Variants in FRYL observed in about 807,000 individuals in gnomAD.
FRYL encodes the protein protein furry homolog-like.
In FRYL, 150 loss-of-function variants were observed where a neutral mutation model predicts 351.2. The observed-to-expected ratio is 0.43, with a 90% CI of 0.37 to 0.49. The LOEUF (loss-of-function observed/expected upper bound fraction) is 0.49, where lower values mean the gene tolerates loss of function less well. Ranked by LOEUF, FRYL falls within the 20% of genes least tolerant of loss-of-function variation. The pLI is 0.00. For missense variants in FRYL, 3,036 were observed against 3,619.3 expected (o/e 0.84, Z 4.13); for synonymous variants, 1,153 against 1,257.1 (o/e 0.92, Z 1.75).
At chr4:48,623,318 A>G in intron 4 of FRYL, 139 bp from the exon 5 acceptor site, 2 of 548,504 alleles carry the variant, frequency 3.6e-6, no homozygotes, top group Non-Finnish European at 6.2e-6. Flanking sequence ...TGTTTTAAAG[A>G]AAGATAAGCC....
At chr4:48,613,941 G>C (rs1044173005) in intron 7 of FRYL, among the ~76,000 whole-genome samples, 1 of 130,868 alleles carries the variant, frequency 7.6e-6, no homozygotes, top group Non-Finnish European at 1.6e-5. Context: ...GGGTGACAGA[G>C]AGTGACTCCA....
At chr4:48,507,541 G>GTTAGTTAGTTAGT (rs1341918312) in intron 59 of FRYL, among the ~76,000 whole-genome samples, 1 of 152,024 alleles carries the variant, frequency 6.6e-6, no homozygotes, top group Admixed American at 6.6e-5. Flanking sequence ...CAAACAGTTA[G>GTTAGTTAGTTAGT]TTAGTTAGAG....
chr4:48,566,579 T>A (rs1736841496), intron 28 of FRYL, among the ~76,000 whole-genome samples: 1 of 152,214 alleles, frequency 6.6e-6, no homozygotes, highest in Non-Finnish European at 1.5e-5. Flanking sequence ...AATTAAGTGC[T>A]TAATGACCCT....
At chr4:48,589,703 G>C (rs1405405255) in intron 18 of FRYL, 42 bp downstream of exon 18, 4 of 1,601,096 alleles carry the variant, frequency 2.5e-6, no homozygotes, top group Non-Finnish European at 3.4e-6. Flanking sequence ...ACTGTCTTAG[G>C]AAAACTGAAA....
At chr4:48,560,141 G>A (rs764446424) in intron 33 of FRYL, among the ~76,000 whole-genome samples, 1 of 152,094 alleles carries the variant, frequency 6.6e-6, no homozygotes, top group African/African-American at 2.4e-5. Context: ...GAATGGGAAG[G>A]GCCTCAGAGC....
At chr4:48,543,573 G>A (rs964657063) in intron 44 of FRYL, among the ~76,000 whole-genome samples, 2 of 152,142 alleles carry the variant, frequency 1.3e-5, no homozygotes, top group Middle Eastern at 6.3e-3. Context: ...GGTGTTGTGT[G>A]AGTGGGCGAG....
intron 1 of FRYL, among the ~76,000 whole-genome samples, chr4:48,741,406 G>T (rs1431160174): frequency 6.6e-6 from 1 of 152,156 alleles, no homozygotes; most frequent in Non-Finnish European, 1.5e-5. Flanking sequence ...CAGGCTTGGT[G>T]GTACACGCCT....
chr4:48,528,099 T>C, intron 51 of FRYL, 54 bp from the exon 52 acceptor site: 1 of 1,554,662 alleles, frequency 6.4e-7, no homozygotes. Flanking sequence ...ATAAGACAAA[T>C]TCTCAAGTTT....
intron 49 of FRYL, among the ~76,000 whole-genome samples, chr4:48,533,234 G>A (rs1474440623): frequency 2.6e-5 from 4 of 151,454 alleles, no homozygotes; most frequent in East Asian, 3.9e-4. Context: ...TGTGGTATAT[G>A]TTTCTATGTG....
Position 48,567,475 on chromosome 4 carries a change from T to C in FRYL, c.2997-55A>G, listed in dbSNP as rs535343349. ...AGTAAATGGGACTTTATGATTTAAA[T>C]AAAAAATTCTTAATACTCAAAATCA... On this transcript the variant is annotated intron_variant, in intron 27 of 63. Transcript: ENST00000358350. The surrounding 1 kb of genome is among the most constrained non-coding windows in gnomAD (Gnocchi z 4.2). 5.2e-6 allele frequency: 7 copies of C among 1,342,308 alleles called. No individual in the cohort carries two copies. The Admixed American group carries it at 1.3e-4, about 25-fold the overall frequency. The allele number at this position is 1,342,308 out of a possible 1,614,324, so 83.1% of individuals were successfully genotyped here.
At chr4:48,677,701 G>A (rs1400935998) in intron 3 of FRYL, among the ~76,000 whole-genome samples, 1 of 152,096 alleles carries the variant, frequency 6.6e-6, no homozygotes, top group Admixed American at 6.5e-5. Flanking sequence ...GTGAGCCACC[G>A]CGTCAGCCCG....
rs761295931 is a variant in FRYL at position 48,565,543 on chromosome 4, G to A, written c.3318C>T (p.Tyr1106=). 2.1e-5 allele frequency: 33 copies of A among 1,605,870 alleles called. No individual in the cohort carries two copies. The highest frequency in any genetic ancestry group is 2.7e-5 in the Non-Finnish European group (32 of 1,177,812). The change falls in exon 29 of 64, where the codon TAC becomes TAT. Residue 1106 remains tyrosine (Y), a synonymous_variant. Coordinates refer to ENST00000358350, the MANE Select transcript of FRYL (RefSeq NM_015030.2). ...TCTAAGTAAATACCTTTAACGCACAGTATTGATGTCTATTAATTTGCATAT... is the reference window on the plus strand; with the variant it reads ...TCTAAGTAAATACCTTTAACGCACAATATTGATGTCTATTAATTTGCATAT... The part of the protein sequence containing the change: ...DRNMQINRHQ[Y]CALKAMSAVL...
At chr4:48,630,955 G>A (rs76069088) in intron 4 of FRYL, among the ~76,000 whole-genome samples, 4,432 of 152,138 alleles carry the variant, frequency 0.029, 91 homozygotes, top group Middle Eastern at 0.065. Context: ...TTACCTAAAA[G>A]GGTACAGAAT....
At chr4:48,501,597 G>C (rs1719675797) in intron 62 of FRYL, 26 bp downstream of exon 62, 1 of 1,236,954 alleles carries the variant, frequency 8.1e-7, no homozygotes, top group Non-Finnish European at 1.2e-6. Context: ...ATCAGTTACT[G>C]ATGCCTAATA....
intron 2 of FRYL, among the ~76,000 whole-genome samples, chr4:48,706,477 G>A (rs1446940295): frequency 6.6e-6 from 1 of 152,168 alleles, no homozygotes; most frequent in Non-Finnish European, 1.5e-5. Context: ...GTGGTTGTCA[G>A]GGGCTGGGCA....
chr4:48,567,975 T>A lies in FRYL; in HGVS notation c.2997-555A>T, dbSNP rs763352884. 4.7e-4 allele frequency among the ~76,000 whole-genome samples: 71 copies of A among 152,190 alleles called. 1 individual carries two copies. The highest frequency in any genetic ancestry group is 6.6e-4 in the Non-Finnish European group (45 of 68,030). ...ACCTATGAAATTGCCTTTAAGAATA[T>A]CTGCAATGTGCTGGGCGCGGTGGCT... On this transcript the variant is annotated intron_variant, in intron 27 of 63. Transcript: ENST00000358350. The surrounding 1 kb of genome is among the most constrained non-coding windows in gnomAD (Gnocchi z 4.2).
intron 3 of FRYL, among the ~76,000 whole-genome samples, chr4:48,667,699 G>A (rs1047873790): frequency 2.0e-5 from 3 of 152,090 alleles, no homozygotes; most frequent in African/African-American, 7.2e-5. Context: ...CCAGACTGGA[G>A]TGCAGTGGTG....
rs1731301910 is a variant in FRYL at position 48,546,249 on chromosome 4, A to G, written c.5097T>C (p.Pro1699=). Reference sequence around the variant, plus strand: ...CAGTCATAGGGGAGGGCTGGTAATCAGGTATAAAATCGTTAATGCCTGCTG... The same window carrying G: ...CAGTCATAGGGGAGGGCTGGTAATCGGGTATAAAATCGTTAATGCCTGCTG... ...NFTAGINDFI[P]DYQPSPMTDS... The change falls in exon 42 of 64, where the codon CCT becomes CCC. Residue 1699 remains proline (P), a synonymous_variant. Coordinates refer to ENST00000358350, the MANE Select transcript of FRYL (RefSeq NM_015030.2). 6 of 1,613,502 alleles carry G rather than the reference A, an allele frequency of 3.7e-6. No homozygotes were observed. The highest frequency in any genetic ancestry group is 5.1e-6 in the Non-Finnish European group (6 of 1,179,680).
chr4:48,564,190 CA>C, intron 30 of FRYL, 88 bp from the exon 31 acceptor site: 1 of 1,264,898 alleles, frequency 7.9e-7, no homozygotes, highest in Admixed American at 2.4e-5. Context: ...TAATATAGTG[CA>C]TATATTCATT....
Sources: allele counts gnomAD v4.1 joint callset (sites outside exome capture counted in the v4.1 genomes callset), GRCh38; gene constraint gnomAD v4.1.1; non-coding constraint Gnocchi (gnomAD v3.1); transcripts MANE v1.5; gene names NCBI Gene and HGNC (gene_info 2026-07-23, HGNC 2026-07-21).